Variants in CSMD2 observed in about 807,000 individuals in gnomAD.
The protein encoded by CSMD2 is CUB and sushi domain-containing protein 2.
A neutral mutation model predicts 398.5 loss-of-function variants in CSMD2; 130 were observed. The ratio of observed to expected loss-of-function variants is 0.33; its 90% CI spans 0.28 to 0.38. CSMD2 has a LOEUF of 0.38. Ranked by LOEUF, CSMD2 falls within the 10% of genes least tolerant of loss-of-function variation. The pLI is 1.00. For synonymous variants in CSMD2, 1,828 were observed against 1,908.5 expected, an observed-to-expected ratio of 0.96 and a Z score of 1.10; for missense variants, 3,829 against 4,764.9, an observed-to-expected ratio of 0.80 and a Z score of 5.78.
At position 33,545,693 on chromosome 1, in the gene CSMD2, C is replaced by A. The variant is rs370907965; in HGVS notation, c.9100+344G>T. 1.7e-4 allele frequency among the ~76,000 whole-genome samples: 26 copies of A among 152,324 alleles called. No homozygotes were observed. The East Asian group carries it at 4.8e-3, about 28-fold the overall frequency. ...TTTTGGGAGGTCACAAATATCCAGA[C>A]CATGGCAGTGTCCGTCTTGGTCACC... On this transcript the variant is annotated intron_variant, in intron 57 of 70. Transcript: ENST00000373381.
chr1:33,796,430 T>C (rs1654957877), intron 10 of CSMD2, among the ~76,000 whole-genome samples: 1 of 152,374 alleles, frequency 6.6e-6, no homozygotes, highest in South Asian at 2.1e-4. Context: ...CTTACGCCTG[T>C]CTTTACTTCA....
At chr1:33,830,285 CACG>C (rs1258577965) in intron 6 of CSMD2, among the ~76,000 whole-genome samples, 1 of 152,184 alleles carries the variant, frequency 6.6e-6, no homozygotes, top group Non-Finnish European at 1.5e-5. Context: ...TGACACCTCA[CACG>C]GCCGGGTACT....
rs1014569303 is a variant in CSMD2, at chr1:33,845,740, G to T, written c.1033+1144C>A. 2.6e-5 allele frequency among the ~76,000 whole-genome samples: 4 copies of T among 152,352 alleles called. No individual in the cohort carries two copies. The South Asian group carries it at 8.3e-4, about 32-fold the overall frequency. Reference sequence around the variant, plus strand: ...TATTTCAAATGGGTACACCACCCAAGGCTAAGTAAATTAGGCCGTTCCTAA... The same window carrying T: ...TATTTCAAATGGGTACACCACCCAATGCTAAGTAAATTAGGCCGTTCCTAA... On this transcript the variant is annotated intron_variant, in intron 6 of 70. Coordinates refer to ENST00000373381, the MANE Select transcript of CSMD2 (RefSeq NM_001281956.2).
intron 3 of CSMD2, among the ~76,000 whole-genome samples, chr1:33,975,725 C>G (rs1645939025): frequency 6.6e-6 from 1 of 152,250 alleles, no homozygotes; most frequent in African/African-American, 2.4e-5. Context: ...GAAGCTGGTG[C>G]AGCCTGGTTG....
chr1:33,519,511 C>CGTATCATTCAAAAA lies in CSMD2; in HGVS notation c.*6_*7insTTTTTGAATGATAC. The CGTATCATTCAAAAA allele has an allele frequency of 6.2e-7, 1 of 1,609,350 alleles. No homozygotes were observed. Among genetic ancestry groups the CGTATCATTCAAAAA allele is most frequent in the Non-Finnish European group, 8.5e-7 (1 of 1,178,238 alleles). ...TCGGTGGCGGTGGTGGCGGCCAGGC[C>CGTATCATTCAAAAA]GGGTGGCTATACTGCTGTGCACACT... On this transcript the variant is annotated 3_prime_UTR_variant, in exon 70 of 71. Coordinates refer to ENST00000373381, the MANE Select transcript of CSMD2 (RefSeq NM_001281956.2). The surrounding 1 kb of genome is among the most constrained non-coding windows in gnomAD (Gnocchi z 5.6).
At chr1:33,734,508 C>T (rs1646821412) in intron 15 of CSMD2, among the ~76,000 whole-genome samples, 2 of 152,020 alleles carry the variant, frequency 1.3e-5, no homozygotes, top group Admixed American at 6.6e-5. Context: ...ATACAGGGGC[C>T]AGGTGTGGTG....
chr1:33,662,000 C>T (rs186234483), intron 26 of CSMD2, among the ~76,000 whole-genome samples: 11 of 149,388 alleles, frequency 7.4e-5, no homozygotes, highest in East Asian at 2.1e-4. Context: ...ATAATAAACA[C>T]GAGCAGAAAC....
intron 24 of CSMD2, among the ~76,000 whole-genome samples, chr1:33,698,133 T>G (rs1645483841): frequency 6.6e-6 from 1 of 152,220 alleles, no homozygotes; most frequent in Admixed American, 6.5e-5. Context: ...ATTTTGCACT[T>G]CTGCCTCAGA....
intron 41 of CSMD2, among the ~76,000 whole-genome samples, chr1:33,605,683 C>A (rs1640546800): frequency 6.6e-6 from 1 of 152,160 alleles, no homozygotes; most frequent in South Asian, 2.1e-4. Flanking sequence ...ATAACACATA[C>A]ATAGCTCTTT....
chr1:33,965,024 C>T (rs1645508748), intron 3 of CSMD2, among the ~76,000 whole-genome samples: 1 of 152,256 alleles, frequency 6.6e-6, no homozygotes, highest in Non-Finnish European at 1.5e-5. Flanking sequence ...CTTCTTCACA[C>T]CTCAAAGGTG....
intron 53 of CSMD2, among the ~76,000 whole-genome samples, chr1:33,563,173 G>A (rs1047391700): frequency 6.6e-6 from 1 of 152,130 alleles, no homozygotes; most frequent in Non-Finnish European, 1.5e-5. Flanking sequence ...AATTCATGTT[G>A]ATCCTCAGCA....
chr1:33,790,697 A>G (rs984345209), intron 11 of CSMD2, among the ~76,000 whole-genome samples: 1 of 130,584 alleles, frequency 7.7e-6, no homozygotes, highest in African/African-American at 3.3e-5. Context: ...CTATCTATCT[A>G]TCTATCATCT....
intron 3 of CSMD2, among the ~76,000 whole-genome samples, chr1:34,027,716 G>A (rs1417887511): frequency 6.6e-6 from 1 of 152,210 alleles, no homozygotes; most frequent in Non-Finnish European, 1.5e-5. Flanking sequence ...TCATTAACCA[G>A]ATTACAGAAT....
chr1:33,908,127 A>G (rs1302623588), intron 5 of CSMD2, among the ~76,000 whole-genome samples: 1 of 151,984 alleles, frequency 6.6e-6, no homozygotes, highest in Non-Finnish European at 1.5e-5. Flanking sequence ...AAAAGAAAAA[A>G]GTACAGACTA....
chr1:34,066,829 C>T (rs1655169465), intron 2 of CSMD2, among the ~76,000 whole-genome samples: 1 of 152,136 alleles, frequency 6.6e-6, no homozygotes, highest in Non-Finnish European at 1.5e-5. Context: ...TCAGGATGGG[C>T]TTGGGGTCTG....
chr1:33,688,086 A>G (rs150078004), intron 25 of CSMD2, among the ~76,000 whole-genome samples: 151 of 152,354 alleles, frequency 9.9e-4, no homozygotes, highest in Non-Finnish European at 1.5e-3. Flanking sequence ...CCTCCTAAAA[A>G]TATATCCTAA....
In CSMD2 at chr1:33,550,161, A is replaced by G; in HGVS notation, c.8917+16T>C. ...GCATTCCACTGGAGCTCTTTCCTCA[A>G]TGCCATGCACCATACCTGAGCAGTG... On this transcript the variant is annotated intron_variant, in intron 56 of 70. Transcript: ENST00000373381. The G allele has an allele frequency of 1.2e-6, 2 of 1,607,270 alleles. No individual in the cohort carries two copies. Among genetic ancestry groups the G allele is most frequent in the South Asian group, 2.2e-5 (2 of 90,688 alleles).
chr1:34,084,109 A>G (rs566780673), intron 2 of CSMD2, among the ~76,000 whole-genome samples: 1 of 152,250 alleles, frequency 6.6e-6, no homozygotes, highest in South Asian at 2.1e-4. Flanking sequence ...AAACCCAATG[A>G]AGGTTCAACC....
chr1:33,951,708 G>C (rs1398326945), intron 3 of CSMD2, among the ~76,000 whole-genome samples: 1 of 152,200 alleles, frequency 6.6e-6, no homozygotes, highest in Non-Finnish European at 1.5e-5. Flanking sequence ...GATGCCGGCA[G>C]AAGAAACTGT....
Sources: allele counts gnomAD v4.1 joint callset (sites outside exome capture counted in the v4.1 genomes callset), GRCh38; gene constraint gnomAD v4.1.1; non-coding constraint Gnocchi (gnomAD v3.1); transcripts MANE v1.5; gene names NCBI Gene and HGNC (gene_info 2026-07-23, HGNC 2026-07-21).